The following CERS6 variants were observed in gnomAD, a reference collection of about 807,000 sequenced individuals.
The protein encoded by CERS6 is LAG1 homolog, ceramide synthase 6.
CERS6 carries 26 observed loss-of-function variants against 56.8 expected under a neutral mutation model. The ratio of observed to expected loss-of-function variants is 0.46; its 90% CI spans 0.34 to 0.63. The LOEUF is 0.63. Among genes scored for constraint, CERS6 ranks in the 30% least tolerant of loss-of-function variants. The pLI is 0.01. For missense variants in CERS6, 415 were observed against 467.5 expected, an observed-to-expected ratio of 0.89 and a Z score of 1.04; for synonymous variants, 164 against 173.3, an observed-to-expected ratio of 0.95 and a Z score of 0.42.
At chr2:168,696,257 C>T (rs1262959117) in intron 6 of CERS6, among the ~76,000 whole-genome samples, 1 of 152,182 alleles carries the variant, frequency 6.6e-6, no homozygotes, top group Non-Finnish European at 1.5e-5. Context: ...GTCTTCTAGT[C>T]TTGTTCTTCT....
chr2:168,640,699 C>T (rs754738049), intron 4 of CERS6, among the ~76,000 whole-genome samples: 40 of 152,308 alleles, frequency 2.6e-4, no homozygotes, highest in Non-Finnish European at 5.6e-4. Flanking sequence ...AGAAGTTAAG[C>T]TTTGTCTAAA....
intron 8 of CERS6, among the ~76,000 whole-genome samples, chr2:168,740,832 A>G (rs1683876487): frequency 6.6e-6 from 1 of 152,210 alleles, no homozygotes; most frequent in Admixed American, 6.5e-5. Flanking sequence ...CAAGGTCTAA[A>G]TGGGGACTGG....
intron 4 of CERS6, among the ~76,000 whole-genome samples, chr2:168,637,466 G>A (rs1053505019): frequency 1.3e-5 from 2 of 152,112 alleles, no homozygotes; most frequent in African/African-American, 4.8e-5. Context: ...TGGGGCAATA[G>A]AGTGAGACGC....
At chr2:168,540,213 G>T (rs747088516) in intron 1 of CERS6, among the ~76,000 whole-genome samples, 5 of 151,802 alleles carry the variant, frequency 3.3e-5, no homozygotes, top group Non-Finnish European at 7.4e-5. Context: ...AGTTAATTAT[G>T]GGGGGTGGAG....
At chr2:168,502,195 A>G (rs1192915922) in intron 1 of CERS6, among the ~76,000 whole-genome samples, 1 of 151,962 alleles carries the variant, frequency 6.6e-6, no homozygotes, top group Non-Finnish European at 1.5e-5. Context: ...GGGTCAGATT[A>G]AAATCTGTCT....
chr2:168,670,058 TG>T (rs1685869627), intron 4 of CERS6, among the ~76,000 whole-genome samples: 1 of 152,206 alleles, frequency 6.6e-6, no homozygotes, highest in Non-Finnish European at 1.5e-5. Context: ...ATGTTGCAAT[TG>T]GGGTGATCTA....
rs141179765 is a variant in CERS6 at position 168,772,565 on chromosome 2, A to G, written c.*2903A>G. 38 of 152,684 alleles carry G rather than the reference A, an allele frequency of 2.5e-4. No homozygotes were observed. Among genetic ancestry groups the G allele is most frequent in the African/African-American group, 8.9e-4 (37 of 41,560 alleles). The allele number at this position is 152,684 out of a possible 1,614,324, so 9.5% of individuals were successfully genotyped here. A position where few individuals can be genotyped will look rare whatever the true frequency, so the allele number is the denominator to read the frequency against. On this transcript the variant is annotated 3_prime_UTR_variant, in exon 10 of 10. Transcript: ENST00000305747. ...AGCCTCCTGTTCATGTTCCCCACAC[A>G]CCTGAAGGTGGTAGAATCTTTTCAG...
At chr2:168,682,529 G>A (rs1458239681) in intron 4 of CERS6, among the ~76,000 whole-genome samples, 1 of 152,102 alleles carries the variant, frequency 6.6e-6, no homozygotes, top group Non-Finnish European at 1.5e-5. Flanking sequence ...TTAGCATAGC[G>A]GTAGTGAGCA....
At chr2:168,569,929 T>G (rs1695954148) in intron 3 of CERS6, among the ~76,000 whole-genome samples, 1 of 152,160 alleles carries the variant, frequency 6.6e-6, no homozygotes, top group Non-Finnish European at 1.5e-5. Context: ...GCCCATGGTA[T>G]GGGGGTAGTG....
At chr2:168,749,153 G>A (rs1684188802) in intron 8 of CERS6, among the ~76,000 whole-genome samples, 1 of 152,148 alleles carries the variant, frequency 6.6e-6, no homozygotes, top group Non-Finnish European at 1.5e-5. Context: ...TCCCTAGGCA[G>A]CTATTAAGCT....
chr2:168,578,003 A>G lies in CERS6; in HGVS notation c.407+16681A>G, dbSNP rs540303113. The stretch of plus-strand genomic sequence containing the variant: ...TCACAAGTCACTATGTCCCAGTCCA[A>G]AAGCCCAGGAGTGGGGTGGAAACTT... On this transcript the variant is annotated intron_variant, in intron 3 of 9. Coordinates refer to ENST00000305747, the MANE Select transcript of CERS6 (RefSeq NM_203463.3). Among the ~76,000 whole-genome samples, 58 of 152,236 alleles carry G rather than the reference A, an allele frequency of 3.8e-4. No individual in the cohort carries two copies. In the Middle Eastern group the frequency reaches 0.01, roughly 27 times the overall value.
At chr2:168,547,557 A>C (rs1319983818) in intron 1 of CERS6, 39 bp from the exon 2 acceptor site, 4 of 1,343,052 alleles carry the variant, frequency 3.0e-6, no homozygotes, top group Non-Finnish European at 4.3e-6. Context: ...AGAAAGAATA[A>C]ATTCTGACCT....
At chr2:168,603,105 G>C (rs1280212620) in intron 3 of CERS6, among the ~76,000 whole-genome samples, 1 of 152,196 alleles carries the variant, frequency 6.6e-6, no homozygotes, top group Non-Finnish European at 1.5e-5. Context: ...TTATTACTCA[G>C]TTGCTGCTCC....
chr2:168,696,563 T>C (rs1686652005), intron 6 of CERS6, among the ~76,000 whole-genome samples: 1 of 152,220 alleles, frequency 6.6e-6, no homozygotes, highest in Non-Finnish European at 1.5e-5. Context: ...CCAGATTGAC[T>C]GAGTGGCTTA....
chr2:168,762,200 A>T (rs1684602106), intron 8 of CERS6, among the ~76,000 whole-genome samples: 1 of 152,196 alleles, frequency 6.6e-6, no homozygotes, highest in African/African-American at 2.4e-5. Context: ...GCAAAAAAAA[A>T]TAGTTTCTGG....
chr2:168,637,651 T>C (rs1295231862), intron 4 of CERS6, among the ~76,000 whole-genome samples: 1 of 152,172 alleles, frequency 6.6e-6, no homozygotes, highest in East Asian at 1.9e-4. Context: ...TGTCTCATAT[T>C]AGAAGAATAT....
chr2:168,729,070 G>A (rs77879312), intron 8 of CERS6, among the ~76,000 whole-genome samples: 14,950 of 149,506 alleles, frequency 0.1, 894 homozygotes, highest in African/African-American at 0.17. Context: ...CAGAATTAAT[G>A]TCTTAAGTGT....
At chr2:168,562,295 G>T (rs940610829) in intron 3 of CERS6, among the ~76,000 whole-genome samples, 1 of 152,122 alleles carries the variant, frequency 6.6e-6, no homozygotes, top group Non-Finnish European at 1.5e-5. Context: ...ATTTCTAGTC[G>T]GGTGGGATGA....
intron 1 of CERS6, among the ~76,000 whole-genome samples, chr2:168,535,579 C>T (rs751687592): frequency 1.3e-5 from 2 of 151,600 alleles, no homozygotes; most frequent in East Asian, 1.9e-4. Context: ...AGGATTCACA[C>T]GCTTACTATG....
Sources: gnomAD v4.1 joint callset for allele counts (sites outside exome capture counted in the v4.1 genomes callset) on GRCh38, gnomAD v4.1.1 for gene constraint, MANE v1.5 for transcripts, NCBI Gene and HGNC (gene_info 2026-07-23, HGNC 2026-07-21) for gene names.